The following AMMECR1 variants were observed in gnomAD, a reference collection of about 807,000 sequenced individuals.
The protein encoded by AMMECR1 is AMMECR nuclear protein 1, also known as nuclear protein AMMECR1.
A neutral mutation model predicts 22.5 loss-of-function variants in AMMECR1; 3 were observed. That is an observed-to-expected ratio of 0.13 (90% confidence interval 0.06 to 0.35). The LOEUF is 0.35. Among genes scored for constraint, AMMECR1 ranks in the 10% least tolerant of loss-of-function variants. The probability of loss-of-function intolerance (pLI) is 1.00; values close to 1 mark genes in which losing one functional copy is unlikely to be tolerated. For missense variants in AMMECR1, 235 were observed against 278.7 expected, an observed-to-expected ratio of 0.84 and a Z score of 1.12; for synonymous variants, 130 against 116.7, an observed-to-expected ratio of 1.11 and a Z score of -0.74.
rs746930488 is a variant in AMMECR1 at position 110,222,661 on chromosome X, A to G, written c.585-6029T>C. ...AAGAAAAAGGAAAAAGGAATATGTAAAAAGAGAAAGGAAGAGAAAAGCAAG... is the reference window on the plus strand; with the variant it reads ...AAGAAAAAGGAAAAAGGAATATGTAGAAAGAGAAAGGAAGAGAAAAGCAAG... On this transcript the variant is annotated intron_variant, in intron 2 of 5. Transcript: ENST00000262844. Among the ~76,000 whole-genome samples the G allele has an allele frequency of 1.4e-3, 154 of 110,453 alleles. 1 individual carries two copies. Among genetic ancestry groups the G allele is most frequent in the African/African-American group, 4.8e-3 (146 of 30,349 alleles).
At chrX:110,327,253 T>C (rs945656695) in intron 2 of AMMECR1, among the ~76,000 whole-genome samples, 3 of 110,914 alleles carry the variant, frequency 2.7e-5, no homozygotes, top group Non-Finnish European at 5.7e-5. Flanking sequence ...AGAAGGAATA[T>C]AAAGAAAAAA....
At chrX:110,206,609 T>C (rs1258671393) in intron 3 of AMMECR1, among the ~76,000 whole-genome samples, 1 of 112,031 alleles carries the variant, frequency 8.9e-6, no homozygotes, top group South Asian at 3.7e-4. Flanking sequence ...TAAATGAGTA[T>C]AAAATGTGCT....
intron 1 of AMMECR1, among the ~76,000 whole-genome samples, chrX:110,439,135 C>T (rs1205288332): frequency 9.0e-6 from 1 of 111,725 alleles, no homozygotes; most frequent in South Asian, 3.8e-4. Flanking sequence ...CAGCAGTCCC[C>T]GACAGAAGGA....
At chrX:110,301,694 TATTCTTA>T (rs1476600424) in intron 1 of AMMECR1, among the ~76,000 whole-genome samples, 1 of 111,491 alleles carries the variant, frequency 9.0e-6, no homozygotes, top group Non-Finnish European at 1.9e-5. Context: ...ACTCCTTGAA[TATTCTTA>T]AGAAGCTGGC....
chrX:110,206,432 G>T (rs2067422179), intron 3 of AMMECR1, among the ~76,000 whole-genome samples: 1 of 111,806 alleles, frequency 8.9e-6, no homozygotes, highest in Non-Finnish European at 1.9e-5. Flanking sequence ...CCTTGTAATT[G>T]CACAGTCAAA....
At chrX:110,249,768 C>T (rs994542310) in intron 2 of AMMECR1, among the ~76,000 whole-genome samples, 5 of 111,690 alleles carry the variant, frequency 4.5e-5, no homozygotes, top group Non-Finnish European at 9.4e-5. Flanking sequence ...GGCATGGTGG[C>T]GCATGCCTGC....
chrX:110,263,117 T>C (rs745748173), intron 2 of AMMECR1, among the ~76,000 whole-genome samples: 2 of 111,363 alleles, frequency 1.8e-5, no homozygotes, highest in African/African-American at 3.3e-5. Context: ...TTGATTAGTA[T>C]TAAATGTGTA....
intron 1 of AMMECR1, among the ~76,000 whole-genome samples, chrX:110,438,580 C>T (rs938686022): frequency 3.5e-4 from 39 of 111,386 alleles, no homozygotes; most frequent in African/African-American, 1.2e-3. Flanking sequence ...AGCAAACAGG[C>T]GGTAGTGAAG....
At chrX:110,271,935 T>C (rs1466284178) in intron 1 of AMMECR1, among the ~76,000 whole-genome samples, 1 of 111,801 alleles carries the variant, frequency 8.9e-6, no homozygotes, top group Non-Finnish European at 1.9e-5. Context: ...AAAAAATTAG[T>C]TATTTTAGGC....
chrX:110,255,394 T>C (rs1371142912), intron 2 of AMMECR1, among the ~76,000 whole-genome samples: 1 of 111,712 alleles, frequency 9.0e-6, no homozygotes, highest in African/African-American at 3.3e-5. Flanking sequence ...CTGTTCTTCA[T>C]ATGCAACACA....
chrX:110,238,931 A>G (rs2067615995), intron 2 of AMMECR1, among the ~76,000 whole-genome samples: 4 of 111,776 alleles, frequency 3.6e-5, no homozygotes, highest in African/African-American at 9.8e-5. Context: ...CCTCCAGCAA[A>G]CTCCACCAGA....
intron 1 of AMMECR1, among the ~76,000 whole-genome samples, chrX:110,289,662 T>C (rs1243942277): frequency 8.9e-6 from 1 of 111,835 alleles, no homozygotes; most frequent in Non-Finnish European, 1.9e-5. Context: ...CTGTAAGAAA[T>C]CCTGCCAAAC....
intron 2 of AMMECR1, among the ~76,000 whole-genome samples, chrX:110,401,023 G>A (rs73542210): frequency 0.028 from 3,180 of 112,201 alleles, 112 homozygotes; most frequent in African/African-American, 0.097. Flanking sequence ...CAGACATTGT[G>A]CTGAACCATT....
intron 4 of AMMECR1, 84 bp downstream of exon 4, chrX:110,202,362 A>T (rs748307737): frequency 1.4e-6 from 1 of 718,979 alleles, no homozygotes; most frequent in South Asian, 2.7e-5. Flanking sequence ...ATTAGACATA[A>T]CTGCAAGGTC....
At chrX:110,427,182 T>C (rs2068760288) in intron 1 of AMMECR1, among the ~76,000 whole-genome samples, 1 of 112,157 alleles carries the variant, frequency 8.9e-6, no homozygotes, top group Admixed American at 9.4e-5. Context: ...CAATACCTTC[T>C]GGTTTTCTCA....
intron 2 of AMMECR1, among the ~76,000 whole-genome samples, chrX:110,219,141 C>A (rs1434336401): frequency 9.0e-6 from 1 of 111,560 alleles, no homozygotes; most frequent in African/African-American, 3.3e-5. Context: ...GTTTTCATTT[C>A]TCTTGGATAG....
intron 2 of AMMECR1, among the ~76,000 whole-genome samples, chrX:110,361,101 C>T (rs1169676534): frequency 9.0e-6 from 1 of 110,637 alleles, no homozygotes; most frequent in Non-Finnish European, 1.9e-5. Flanking sequence ...CAAAACTGCC[C>T]CTGCCCACAA....
rs752859177 is a variant in AMMECR1, at chrX:110,367,218, TA to T, written c.-147-49370del. ...TTCATTGAACAACATCTTCAATGTTTAAAAAATCTGTTCTCTTCACCCAAGT... is the reference window on the plus strand; with the variant it reads ...TTCATTGAACAACATCTTCAATGTTTAAAAATCTGTTCTCTTCACCCAAGT... On this transcript the variant is annotated intron_variant, in intron 2 of 7. Transcript: ENST00000372057. Among the ~76,000 whole-genome samples, 3 of 112,095 alleles carry T rather than the reference TA, an allele frequency of 2.7e-5. No individual in the cohort carries two copies. The South Asian group carries it at 1.1e-3, about 42-fold the overall frequency.
At chrX:110,233,152 C>A (rs1032753268) in intron 2 of AMMECR1, among the ~76,000 whole-genome samples, 3 of 110,525 alleles carry the variant, frequency 2.7e-5, no homozygotes, top group Admixed American at 9.6e-5. Flanking sequence ...AAGGGGATAT[C>A]ACCACCGATC....
Sources: gnomAD v4.1 joint callset for allele counts (sites outside exome capture counted in the v4.1 genomes callset) on GRCh38, gnomAD v4.1.1 for gene constraint, MANE v1.5 for transcripts, NCBI Gene and HGNC (gene_info 2026-07-23, HGNC 2026-07-21) for gene names.